GALNT18: variants seen among roughly 807,000 people sequenced by gnomAD.
GALNT18 encodes the protein polypeptide N-acetylgalactosaminyltransferase 18.
A neutral mutation model predicts 69.5 loss-of-function variants in GALNT18; 44 were observed. The observed-to-expected ratio is 0.63, with a 90% CI of 0.50 to 0.81. GALNT18 has a LOEUF of 0.81. Ranked by LOEUF, GALNT18 falls within the 40% of genes least tolerant of loss-of-function variation. The pLI is 0.00. For missense variants in GALNT18, 715 were observed against 810.0 expected, an observed-to-expected ratio of 0.88 and a Z score of 1.42; for synonymous variants, 364 against 318.2, an observed-to-expected ratio of 1.14 and a Z score of -1.53.
At chr11:11,593,321 C>T (rs7107606) in intron 1 of GALNT18, among the ~76,000 whole-genome samples, 1,903 of 152,230 alleles carry the variant, frequency 0.013, 36 homozygotes, top group African/African-American at 0.044. Flanking sequence ...TTTGCGGACC[C>T]TGGAATAGAG....
chr11:11,568,507 G>A (rs540096873), intron 1 of GALNT18, among the ~76,000 whole-genome samples: 2 of 152,240 alleles, frequency 1.3e-5, no homozygotes, highest in African/African-American at 4.8e-5. Context: ...CTCTGGTTAA[G>A]GGGGGAAAAA....
chr11:11,579,519 C>T (rs1226801908), intron 1 of GALNT18, among the ~76,000 whole-genome samples: 1 of 152,090 alleles, frequency 6.6e-6, no homozygotes, highest in Admixed American at 6.5e-5. Context: ...AGTTTCTATC[C>T]CTGTCCTACC....
chr11:11,285,200 C>T (rs1849170597), intron 10 of GALNT18, among the ~76,000 whole-genome samples: 1 of 152,054 alleles, frequency 6.6e-6, no homozygotes, highest in Admixed American at 6.5e-5. Flanking sequence ...ACTGGTTTTC[C>T]AGAGGCAGGA....
intron 1 of GALNT18, among the ~76,000 whole-genome samples, chr11:11,577,654 A>G (rs972545545): frequency 9.2e-5 from 14 of 152,176 alleles, no homozygotes; most frequent in Non-Finnish European, 1.8e-4. Flanking sequence ...CAACACCCCA[A>G]ATCGATTCAG....
rs1326104292 is a variant in GALNT18, at chr11:11,435,549, G to A, written c.429-2762C>T. Among the ~76,000 whole-genome samples, 3 of 152,166 alleles carry A rather than the reference G, an allele frequency of 2.0e-5. No individual in the cohort carries two copies. Among genetic ancestry groups the A allele is most frequent in the Non-Finnish European group, 4.4e-5 (3 of 68,028 alleles). On this transcript the variant is annotated intron_variant, in intron 2 of 10. Coordinates refer to ENST00000227756, the MANE Select transcript of GALNT18 (RefSeq NM_198516.3). This position sits in a 1 kb window ranked among gnomAD's most constrained non-coding sequence, Gnocchi z 4.4. ...TCACATTCGAACCTGTTTATTGTCT[G>A]CCCCTCTCTACTAGAATGAAGCCCC...
chr11:11,337,834 G>T lies in GALNT18; in HGVS notation c.1278+2985C>A. ...CAGACTTCAAAACAGGGAGTGGTAG[G>T]CAGTGGGATTAAAATACAGGCAGTG... is the stretch of plus-strand genomic sequence containing the variant. On this transcript the variant is annotated intron_variant, in intron 7 of 10. Transcript: ENST00000227756. This position sits in a 1 kb window ranked among gnomAD's most constrained non-coding sequence, Gnocchi z 4.9. 6.6e-6 allele frequency among the ~76,000 whole-genome samples: 1 copy of T among 152,168 alleles called. No homozygotes were observed. Among genetic ancestry groups the T allele is most frequent in the East Asian group, 1.9e-4 (1 of 5,194 alleles).
intron 1 of GALNT18, among the ~76,000 whole-genome samples, chr11:11,482,235 GT>G (rs1254933839): frequency 6.6e-6 from 1 of 152,234 alleles, no homozygotes; most frequent in Non-Finnish European, 1.5e-5. Flanking sequence ...CCCATGTGCA[GT>G]CGGAGGGGCC....
At chr11:11,288,877 A>G (rs959934770) in intron 10 of GALNT18, among the ~76,000 whole-genome samples, 3 of 152,168 alleles carry the variant, frequency 2.0e-5, no homozygotes, top group Non-Finnish European at 4.4e-5. Context: ...GAACCTGGGA[A>G]AACACACTAG....
rs1853987762 is a variant in GALNT18 at position 11,383,940 on chromosome 11, A to G, written c.596-4676T>C. Reference sequence around the variant, plus strand: ...TAAGTTTCCTGAGGCCTCCGCAGCCATGTGGAACTGTGAGTCAATTAAACC... The same window carrying G: ...TAAGTTTCCTGAGGCCTCCGCAGCCGTGTGGAACTGTGAGTCAATTAAACC... On this transcript the variant is annotated intron_variant, in intron 3 of 10. Coordinates refer to ENST00000227756, the MANE Select transcript of GALNT18 (RefSeq NM_198516.3). The surrounding 1 kb of genome is among the most constrained non-coding windows in gnomAD (Gnocchi z 5.2). Among the ~76,000 whole-genome samples, 1 of 152,070 alleles carries G rather than the reference A, an allele frequency of 6.6e-6. No individual in the cohort carries two copies. Among genetic ancestry groups the G allele is most frequent in the Admixed American group, 6.5e-5 (1 of 15,270 alleles).
chr11:11,414,007 T>G (rs1854794558), intron 3 of GALNT18, among the ~76,000 whole-genome samples: 1 of 152,190 alleles, frequency 6.6e-6, no homozygotes, highest in African/African-American at 2.4e-5. Context: ...GCACTGTCCT[T>G]CACCCCGTCA....
chr11:11,452,290 C>A (rs1405827333), intron 1 of GALNT18, among the ~76,000 whole-genome samples: 2 of 152,190 alleles, frequency 1.3e-5, no homozygotes, highest in African/African-American at 4.8e-5. Flanking sequence ...TCCACCTCAC[C>A]CTGAGCCTCA....
chr11:11,526,709 A>C (rs1857535440), intron 1 of GALNT18, among the ~76,000 whole-genome samples: 1 of 152,138 alleles, frequency 6.6e-6, no homozygotes, highest in African/African-American at 2.4e-5. Context: ...GAGCTGCTAG[A>C]ATACCTGTAC....
At chr11:11,354,367 C>T (rs1850483421) in intron 6 of GALNT18, among the ~76,000 whole-genome samples, 1 of 152,146 alleles carries the variant, frequency 6.6e-6, no homozygotes, top group South Asian at 2.1e-4. Context: ...AAGAGCCTGC[C>T]TTTTGGAAGA....
Position 11,293,190 on chromosome 11 carries a change from C to T in GALNT18, c.1516G>A (p.Val506Met), listed in dbSNP as rs779824658. Residue 506 changes from valine to methionine, a missense_variant, in exon 10 of 11, where the codon GTG (valine) becomes ATG (methionine). Transcript: ENST00000227756. ...YICHGMTPQN[V>M]YYTSSQQIHV... is the part of the protein sequence containing the mutation. The stretch of plus-strand genomic sequence containing the variant: ...ATCTGCTGACTGCTCGTGTAGTACA[C>T]GTTCTGGGGGCGGAGGGAGGGAGAG... 1.4e-5 allele frequency: 18 copies of T among 1,323,040 alleles called. No homozygotes were observed. Among genetic ancestry groups the T allele is most frequent in the Admixed American group, 9.1e-5 (3 of 32,884 alleles). 82.0% of individuals were successfully genotyped at this position (1,323,040 alleles called of 1,614,324 possible).
rs79570216 is a variant in GALNT18 at position 11,435,129 on chromosome 11, C to T, written c.429-2342G>A. Among the ~76,000 whole-genome samples the T allele has an allele frequency of 6.6e-6, 1 of 152,220 alleles. No individual in the cohort carries two copies. Among genetic ancestry groups the T allele is most frequent in the Non-Finnish European group, 1.5e-5 (1 of 68,044 alleles). Reference sequence around the variant, plus strand: ...CACTGTCCTCCCTACTAAAACTCCACCAGCAATGAAGACTTTGCTTCTGTA... The same window carrying T: ...CACTGTCCTCCCTACTAAAACTCCATCAGCAATGAAGACTTTGCTTCTGTA... On this transcript the variant is annotated intron_variant, in intron 2 of 10. Transcript: ENST00000227756. This position sits in a 1 kb window ranked among gnomAD's most constrained non-coding sequence, Gnocchi z 4.4.
chr11:11,325,115 T>C (rs780366814), intron 9 of GALNT18, among the ~76,000 whole-genome samples: 7 of 152,200 alleles, frequency 4.6e-5, no homozygotes, highest in Non-Finnish European at 8.8e-5. Context: ...TGAGTGCCCA[T>C]CAGCCAACGA....
intron 3 of GALNT18, among the ~76,000 whole-genome samples, chr11:11,418,281 T>C (rs1854913006): frequency 6.6e-6 from 1 of 152,216 alleles, no homozygotes; most frequent in Non-Finnish European, 1.5e-5. Context: ...AAGTTACTGC[T>C]GAATCTCAGT....
intron 6 of GALNT18, among the ~76,000 whole-genome samples, chr11:11,349,857 C>A (rs12225237): frequency 0.14 from 21,887 of 152,190 alleles, 2,335 homozygotes; most frequent in East Asian, 0.54. Context: ...GAAAAACACT[C>A]CCTGAGGATA....
chr11:11,329,848 C>A lies in GALNT18; in HGVS notation c.1417-2667G>T, dbSNP rs566457279. Among the ~76,000 whole-genome samples the A allele has an allele frequency of 2.9e-3, 447 of 152,302 alleles. 4 individuals carry two copies. The highest frequency in any genetic ancestry group is 0.01 in the African/African-American group (427 of 41,564). On this transcript the variant is annotated intron_variant, in intron 8 of 10. Coordinates refer to ENST00000227756, the MANE Select transcript of GALNT18 (RefSeq NM_198516.3). ...GAGCTGGTCTGTCAGACTCCAAAAC[C>A]CAAGCTCTTTCCGTAGTGCAAATGG...
Sources: gnomAD v4.1 joint callset for allele counts (sites outside exome capture counted in the v4.1 genomes callset) on GRCh38, gnomAD v4.1.1 for gene constraint, Gnocchi (gnomAD v3.1) non-coding constraint, MANE v1.5 for transcripts, NCBI Gene and HGNC (gene_info 2026-07-23, HGNC 2026-07-21) for gene names.